SP140L: variants seen among roughly 807,000 people sequenced by gnomAD.
The protein encoded by SP140L is SP140 like nuclear body protein.
SP140L carries 64 observed loss-of-function variants against 84.3 expected under a neutral mutation model. That is an observed-to-expected ratio of 0.76 (90% confidence interval 0.62 to 0.94). SP140L has a LOEUF of 0.94. Ranked by LOEUF, SP140L falls within the 40% of genes least tolerant of loss-of-function variation. SP140L has a pLI of 0.00. For synonymous variants in SP140L, 242 were observed against 236.9 expected (o/e 1.02, Z -0.20); for missense variants, 628 against 692.5 (o/e 0.91, Z 1.05).
At position 230,348,606 on chromosome 2, in the gene SP140L, C is replaced by T. The variant is rs995012321; in HGVS notation, c.108-9199C>T. On this transcript the variant is annotated intron_variant, in intron 2 of 18. Coordinates refer to ENST00000415673, the MANE Select transcript of SP140L (RefSeq NM_138402.6). ...AGAGCTGTCAGAATTCTTTACATAC[C>T]TGAATATAAGTAGTTTATTGAAAAT... 2.6e-5 allele frequency among the ~76,000 whole-genome samples: 4 copies of T among 152,036 alleles called. 1 individual carries two copies. The highest frequency in any genetic ancestry group is 2.6e-4 in the Admixed American group (4 of 15,274).
Position 230,331,697 on chromosome 2 carries a change from G to A in SP140L, c.107+2866G>A, listed in dbSNP as rs151025392. Among the ~76,000 whole-genome samples the A allele has an allele frequency of 1.2e-4, 19 of 152,218 alleles. No homozygotes were observed. In the East Asian group the frequency reaches 3.7e-3, roughly 29 times the overall value. On this transcript the variant is annotated intron_variant, in intron 2 of 18. Transcript: ENST00000415673. ...TGAGTCCTTATTGGGTCACTTTAGT[G>A]CTAGGCATTTTAAAATTGTATTTGT...
chr2:230,388,650 G>A lies in SP140L; in HGVS notation c.859+17G>A, dbSNP rs1313444878. On this transcript the variant is annotated intron_variant, in intron 10 of 18. Coordinates refer to ENST00000415673, the MANE Select transcript of SP140L (RefSeq NM_138402.6). ...GATCAAGAGGTAAAAAAGAAAAGAG[G>A]AATGCACTTTCAATAACTAAACATC... is the stretch of plus-strand genomic sequence containing the variant. 3.8e-6 allele frequency: 6 copies of A among 1,587,360 alleles called. No individual in the cohort carries two copies. The highest frequency in any genetic ancestry group is 5.1e-6 in the Non-Finnish European group (6 of 1,166,060).
intron 2 of SP140L, chr2:230,342,261 G>A (rs1366517577): frequency 2.6e-5 from 4 of 153,996 alleles, no homozygotes; most frequent in Non-Finnish European, 4.3e-5. Context: ...TTTTCCAGGT[G>A]CCTTCCGTCA....
At chr2:230,374,678 C>G (rs1472729795) in intron 7 of SP140L, among the ~76,000 whole-genome samples, 2 of 152,198 alleles carry the variant, frequency 1.3e-5, no homozygotes, top group African/African-American at 4.8e-5. Flanking sequence ...CCACCATGAT[C>G]AGTCAGCAGC....
intron 2 of SP140L, among the ~76,000 whole-genome samples, chr2:230,349,377 A>T (rs2060299196): frequency 6.6e-6 from 1 of 152,094 alleles, no homozygotes; most frequent in South Asian, 2.1e-4. Flanking sequence ...AAATTTTAGG[A>T]TTAGCTTCTC....
At chr2:230,346,085 C>G (rs1038467121) in intron 2 of SP140L, among the ~76,000 whole-genome samples, 9 of 152,162 alleles carry the variant, frequency 5.9e-5, no homozygotes, top group African/African-American at 2.2e-4. Flanking sequence ...TGAACTCCTT[C>G]AACTTTTGTT....
At chr2:230,337,321 G>A (rs886299612) in intron 2 of SP140L, among the ~76,000 whole-genome samples, 66 of 152,146 alleles carry the variant, frequency 4.3e-4, no homozygotes, top group African/African-American at 1.4e-3. Flanking sequence ...CATATCCTTC[G>A]CCCACTTTTT....
intron 9 of SP140L, 62 bp from the exon 10 acceptor site, chr2:230,388,497 C>A: frequency 7.4e-7 from 1 of 1,357,072 alleles, no homozygotes; most frequent in Non-Finnish European, 9.9e-7. Flanking sequence ...TTTTGAAAAG[C>A]AGCAATATAT....
chr2:230,399,364 G>C (rs1055692593), intron 14 of SP140L, among the ~76,000 whole-genome samples: 14 of 152,124 alleles, frequency 9.2e-5, no homozygotes, highest in Admixed American at 8.5e-4. Flanking sequence ...TCCTTTTATA[G>C]AACAAAGCAC....
chr2:230,337,472 T>C (rs2059913107), intron 2 of SP140L, among the ~76,000 whole-genome samples: 1 of 151,144 alleles, frequency 6.6e-6, no homozygotes, highest in African/African-American at 2.4e-5. Flanking sequence ...GTAGTTTCTT[T>C]TGCTGTGCAG....
At chr2:230,361,003 G>T (rs1191577844) in intron 4 of SP140L, among the ~76,000 whole-genome samples, 1 of 152,108 alleles carries the variant, frequency 6.6e-6, no homozygotes, top group Non-Finnish European at 1.5e-5. Context: ...TAGATGGCAG[G>T]CTAGTGAGCT....
chr2:230,371,089 C>A, intron 6 of SP140L, 122 bp downstream of exon 6: 2 of 805,494 alleles, frequency 2.5e-6, no homozygotes, highest in Non-Finnish European at 2.1e-6. Context: ...CTCACCCAAG[C>A]CTTTGGGGAA....
intron 14 of SP140L, 134 bp from the exon 15 acceptor site, chr2:230,399,993 C>T: frequency 2.5e-6 from 2 of 804,450 alleles, no homozygotes; most frequent in African/African-American, 1.7e-5. Context: ...CCATATTTTT[C>T]CTTCATATCC....
chr2:230,365,533 T>C (rs1383713077), intron 5 of SP140L, among the ~76,000 whole-genome samples: 2 of 152,070 alleles, frequency 1.3e-5, no homozygotes, highest in African/African-American at 4.8e-5. Context: ...TTTCTTTTTT[T>C]TTAGTCTAGC....
intron 11 of SP140L, 112 bp downstream of exon 11, chr2:230,390,135 A>G (rs1412865081): frequency 4.3e-6 from 4 of 927,570 alleles, no homozygotes; most frequent in Non-Finnish European, 6.6e-6. Flanking sequence ...GGCCCAGTTT[A>G]GCTTGAGGGA....
chr2:230,388,204 T>C (rs1304461425), intron 9 of SP140L, among the ~76,000 whole-genome samples: 1 of 152,166 alleles, frequency 6.6e-6, no homozygotes. Flanking sequence ...ATATATTATA[T>C]GCCATATATA....
At chr2:230,383,189 C>T (rs1191259232) in intron 7 of SP140L, among the ~76,000 whole-genome samples, 1 of 152,188 alleles carries the variant, frequency 6.6e-6, no homozygotes, top group Non-Finnish European at 1.5e-5. Flanking sequence ...TGAATTTACA[C>T]AACAAACACT....
chr2:230,364,198 A>G (rs933352573), intron 5 of SP140L, among the ~76,000 whole-genome samples: 13 of 152,066 alleles, frequency 8.5e-5, no homozygotes, highest in Non-Finnish European at 1.5e-4. Context: ...TCAGAAAAAA[A>G]TGTCTTTGGA....
chr2:230,396,912 G>A, intron 14 of SP140L, 114 bp downstream of exon 14: 7 of 1,299,108 alleles, frequency 5.4e-6, no homozygotes, highest in Non-Finnish European at 7.6e-6. Flanking sequence ...GTTGGAGTAT[G>A]TGGCTGTGTG....
Sources: gnomAD v4.1 joint callset for allele counts (sites outside exome capture counted in the v4.1 genomes callset) on GRCh38, gnomAD v4.1.1 for gene constraint, MANE v1.5 for transcripts, NCBI Gene and HGNC (gene_info 2026-07-23, HGNC 2026-07-21) for gene names.